The following KCNK12 variants were observed in gnomAD, a reference collection of about 807,000 sequenced individuals.
KCNK12 encodes potassium two pore domain channel subfamily K member 12, also known as potassium channel subfamily K member 12.
In KCNK12, 6 loss-of-function variants were observed where a neutral mutation model predicts 25.3. The observed-to-expected ratio is 0.24, with a 90% CI of 0.13 to 0.47. The LOEUF (loss-of-function observed/expected upper bound fraction) is 0.47. Among genes scored for constraint, KCNK12 ranks in the 20% least tolerant of loss-of-function variants. The pLI is 0.99. For synonymous variants in KCNK12, 331 were observed against 311.1 expected, an observed-to-expected ratio of 1.06 and a Z score of -0.67; for missense variants, 444 against 661.7, an observed-to-expected ratio of 0.67 and a Z score of 3.61.
Position 47,529,623 on chromosome 2 carries a change from A to G in KCNK12, c.392-7815T>C, listed in dbSNP as rs1425887630. Reference sequence around the variant, plus strand: ...GAATGGGCTCTATTAGTCTAGGCCAATCAGGATAATCCAGTTCCTTACCAT... The same window carrying G: ...GAATGGGCTCTATTAGTCTAGGCCAGTCAGGATAATCCAGTTCCTTACCAT... On this transcript the variant is annotated intron_variant, in intron 1 of 1. Transcript: ENST00000327876. This position sits in a 1 kb window ranked among gnomAD's most constrained non-coding sequence, Gnocchi z 4.3. Among the ~76,000 whole-genome samples, 2 of 152,224 alleles carry G rather than the reference A, an allele frequency of 1.3e-5. No individual in the cohort carries two copies. The highest frequency in any genetic ancestry group is 2.9e-5 in the Non-Finnish European group (2 of 68,034).
rs1668601940 is a variant in KCNK12 at position 47,519,551 on chromosome 2, G to A, written c.*1356C>T. On this transcript the variant is annotated 3_prime_UTR_variant, in exon 2 of 2. Coordinates refer to ENST00000327876, the MANE Select transcript of KCNK12 (RefSeq NM_022055.2). ...CCACTATCCTTTCAATGAAGCCTGG[G>A]TATCTGGCCTTCCTCCAGGTCAGGG... 1 of 152,178 alleles carries A rather than the reference G, an allele frequency of 6.6e-6. No individual in the cohort carries two copies. The highest frequency in any genetic ancestry group is 1.5e-5 in the Non-Finnish European group (1 of 68,038). The allele number at this position is 152,178 out of a possible 1,614,324, so 9.4% of individuals were successfully genotyped here. A position where few individuals can be genotyped will look rare whatever the true frequency, so the allele number is the denominator to read the frequency against.
chr2:47,512,351 T>C lies in KCNK12; in HGVS notation c.*8556A>G. On this transcript the variant is annotated 3_prime_UTR_variant, in exon 2 of 2. Coordinates refer to ENST00000327876, the MANE Select transcript of KCNK12 (RefSeq NM_022055.2). Reference sequence around the variant, plus strand: ...AGACCAGTGCCTCATTTTGCTGACATGGAAAAGGAAACTTCGTGGGGGAAA... The same window carrying C: ...AGACCAGTGCCTCATTTTGCTGACACGGAAAAGGAAACTTCGTGGGGGAAA... 5 of 1,612,512 alleles carry C rather than the reference T, an allele frequency of 3.1e-6. No individual in the cohort carries two copies. Among genetic ancestry groups the C allele is most frequent in the Non-Finnish European group, 4.2e-6 (5 of 1,179,808 alleles).
rs200275123 is a variant in KCNK12, at chr2:47,512,291, C to A, written c.*8616G>T. Reference sequence around the variant, plus strand: ...ACTCCTACATTTTCTCCTCTCTTCTCCTTCCTTTCAGAACCTCAGAGTGAC... The same window carrying A: ...ACTCCTACATTTTCTCCTCTCTTCTACTTCCTTTCAGAACCTCAGAGTGAC... On this transcript the variant is annotated 3_prime_UTR_variant, in exon 2 of 2. Transcript: ENST00000327876. 9.9e-6 allele frequency: 16 copies of A among 1,612,092 alleles called. No individual in the cohort carries two copies. The highest frequency in any genetic ancestry group is 1.3e-5 in the Non-Finnish European group (15 of 1,179,664).
chr2:47,556,373 A>T lies in KCNK12; in HGVS notation c.391+13568T>A, dbSNP rs954189141. Among the ~76,000 whole-genome samples, 33 of 152,308 alleles carry T rather than the reference A, an allele frequency of 2.2e-4. No individual in the cohort carries two copies. Among genetic ancestry groups the T allele is most frequent in the African/African-American group, 7.9e-4 (33 of 41,568 alleles). On this transcript the variant is annotated intron_variant, in intron 1 of 1. Transcript: ENST00000327876. The surrounding 1 kb of genome is among the most constrained non-coding windows in gnomAD (Gnocchi z 4.8). ...AGGGGTGTGAAGATTACTTCTGATTACTTTTATTACCTCAATGGAGTGTGA... is the reference window on the plus strand; with the variant it reads ...AGGGGTGTGAAGATTACTTCTGATTTCTTTTATTACCTCAATGGAGTGTGA...
At position 47,547,751 on chromosome 2, in the gene KCNK12, C is replaced by T. The variant is rs1343667751; in HGVS notation, c.391+22190G>A. Among the ~76,000 whole-genome samples, 1 of 152,136 alleles carries T rather than the reference C, an allele frequency of 6.6e-6. No individual in the cohort carries two copies. Among genetic ancestry groups the T allele is most frequent in the African/African-American group, 2.4e-5 (1 of 41,420 alleles). On this transcript the variant is annotated intron_variant, in intron 1 of 1. Transcript: ENST00000327876. The surrounding 1 kb of genome is among the most constrained non-coding windows in gnomAD (Gnocchi z 5.0). The stretch of plus-strand genomic sequence containing the variant: ...TAGCTGGGATTAGAGGCATCTGCCA[C>T]CATACTTGGCGAATTTTTATATTTT...
Position 47,518,820 on chromosome 2 carries a change from CAA to C in KCNK12, c.*2085_*2086del, listed in dbSNP as rs1668582806. 6.6e-6 allele frequency: 1 copy of C among 152,248 alleles called. No individual in the cohort carries two copies. The highest frequency in any genetic ancestry group is 2.4e-5 in the African/African-American group (1 of 41,462). The allele number at this position is 152,248 out of a possible 1,614,324, so 9.4% of individuals were successfully genotyped here. ...TCCCTCTCTGGATGGCTCTGATCCC[CAA>C]GTTATTTCCTGTTGCCTAGGTAACA... On this transcript the variant is annotated 3_prime_UTR_variant, in exon 2 of 2. Transcript: ENST00000327876. The surrounding 1 kb of genome is among the most constrained non-coding windows in gnomAD (Gnocchi z 4.1).
chr2:47,553,332 A>G (rs975248988), intron 1 of KCNK12, among the ~76,000 whole-genome samples: 3 of 152,252 alleles, frequency 2.0e-5, no homozygotes, highest in African/African-American at 7.2e-5. Context: ...ATAGCAGTTC[A>G]GAGCTGAATA....
In KCNK12 at chr2:47,555,771, G is replaced by A. The variant is rs1421247472; in HGVS notation, c.391+14170C>T. 1 of 152,246 alleles carries A rather than the reference G, an allele frequency of 6.6e-6. No individual in the cohort carries two copies. The highest frequency in any genetic ancestry group is 6.5e-5 in the Admixed American group (1 of 15,282). 9.4% of individuals were successfully genotyped at this position (152,246 alleles called of 1,614,324 possible). ...AGATTGTTTGGAGACAGTCCAGAGT[G>A]AGGACTGAGCATGGGGCCCTCTCAT... On this transcript the variant is annotated intron_variant, in intron 1 of 1. Transcript: ENST00000327876. The surrounding 1 kb of genome is among the most constrained non-coding windows in gnomAD (Gnocchi z 4.5).
At chr2:47,559,671 C>T (rs988580219) in intron 1 of KCNK12, among the ~76,000 whole-genome samples, 4 of 152,192 alleles carry the variant, frequency 2.6e-5, no homozygotes, top group Non-Finnish European at 5.9e-5. Flanking sequence ...TTTCTGCATA[C>T]CTACTATGTG....
intron 1 of KCNK12, chr2:47,563,359 CTGTGTGTGCTGTT>C: frequency 4.3e-6 from 1 of 233,308 alleles, no homozygotes; most frequent in East Asian, 6.0e-5. Context: ...GTGTGTGTGT[CTGTGTGTGCTGTT>C]TGTGTGAGAA....
intron 1 of KCNK12, among the ~76,000 whole-genome samples, chr2:47,553,288 T>C (rs1669477941): frequency 6.6e-6 from 1 of 152,238 alleles, no homozygotes; most frequent in Non-Finnish European, 1.5e-5. Flanking sequence ...AAACAAGTCA[T>C]GTTGGCAGTC....
chr2:47,521,354 G>A lies in KCNK12; in HGVS notation c.846C>T (p.Leu282=). The A allele has an allele frequency of 6.2e-7, 1 of 1,613,742 alleles. No homozygotes were observed. The highest frequency in any genetic ancestry group is 8.5e-7 in the Non-Finnish European group (1 of 1,179,888). Residue 282 remains leucine, a synonymous_variant, in exon 2 of 2, where the codon CTC becomes CTT. Transcript: ENST00000327876. ...TGCAGCACACGCCGAGCAGGATGAA[G>A]AGGAAGTTGCCCAGGCGGTAGAGCC... ...NQGLYRLGNF[L]FILLGVCCIY...
intron 1 of KCNK12, among the ~76,000 whole-genome samples, chr2:47,537,043 C>G (rs527460519): frequency 5.9e-5 from 9 of 152,318 alleles, no homozygotes; most frequent in African/African-American, 1.7e-4. Context: ...GCGGCCTTGC[C>G]TGATCAGGGG....
chr2:47,514,177 C>T lies in KCNK12; in HGVS notation c.*6730G>A, dbSNP rs1668469869. ...CTCTGCCTGGGCCACTCTTCCTGCT[C>T]CTTGTCAGCAGGCTTGCTGCTCTCA... On this transcript the variant is annotated 3_prime_UTR_variant, in exon 2 of 2. Coordinates refer to ENST00000327876, the MANE Select transcript of KCNK12 (RefSeq NM_022055.2). The surrounding 1 kb of genome is among the most constrained non-coding windows in gnomAD (Gnocchi z 5.0). Among the ~76,000 whole-genome samples, 1 of 152,228 alleles carries T rather than the reference C, an allele frequency of 6.6e-6. No individual in the cohort carries two copies. The highest frequency in any genetic ancestry group is 2.1e-4 in the South Asian group (1 of 4,836).
Position 47,520,724 on chromosome 2 carries a change from C to G in KCNK12, c.*183G>C, listed in dbSNP as rs1668631683. The G allele has an allele frequency of 2.4e-6, 1 of 408,166 alleles. No homozygotes were observed. The allele number at this position is 408,166 out of a possible 1,614,324, so 25.3% of individuals were successfully genotyped here. A position where few individuals can be genotyped will look rare whatever the true frequency, so the allele number is the denominator to read the frequency against. Reference sequence around the variant, plus strand: ...AGAGGGGACTCACAAGGAACACAGGCGTCCCCAAAACCTGCCCTTGATAAC... The same window carrying G: ...AGAGGGGACTCACAAGGAACACAGGGGTCCCCAAAACCTGCCCTTGATAAC... On this transcript the variant is annotated 3_prime_UTR_variant, in exon 2 of 2. Coordinates refer to ENST00000327876, the MANE Select transcript of KCNK12 (RefSeq NM_022055.2). This position sits in a 1 kb window ranked among gnomAD's most constrained non-coding sequence, Gnocchi z 5.0.
In KCNK12 at chr2:47,521,634, A is replaced by T; in HGVS notation, c.566T>A (p.Leu189Gln). ...GCCGCGGCGGAAGGTGGCGGGCAGC[A>T]GGCCGCTGCGGCGCAGCTGGCGCTC... ...CRERQLRRSG[L>Q]LPATFRRGSA... The change falls in exon 2 of 2, where the codon CTG (leucine) becomes CAG (glutamine). Residue 189 changes from leucine to glutamine, a missense_variant. This residue lies in a region of KCNK12 where 36 missense variants were observed against 36.4 expected (regional missense o/e 0.99). Transcript: ENST00000327876. The T allele has an allele frequency of 6.3e-7, 1 of 1,586,266 alleles. No individual in the cohort carries two copies. Among genetic ancestry groups the T allele is most frequent in the Non-Finnish European group, 8.6e-7 (1 of 1,168,474 alleles).
In KCNK12 at chr2:47,521,291, C is replaced by T; in HGVS notation, c.909G>A (p.Lys303=). The T allele has an allele frequency of 6.2e-7, 1 of 1,612,570 alleles. No homozygotes were observed. Among genetic ancestry groups the T allele is most frequent in the Non-Finnish European group, 8.5e-7 (1 of 1,179,594 alleles). ...TGCGCAGCATCCAGTTGAGCACCTG[C>T]TTGATGAGGATGGAGATGACGTTGA... ...SLFNVISILI[K]QVLNWMLRKL... The change falls in exon 2 of 2, where the codon AAG becomes AAA. Residue 303 remains lysine, a synonymous_variant. Coordinates refer to ENST00000327876, the MANE Select transcript of KCNK12 (RefSeq NM_022055.2).
rs1264594118 is a variant in KCNK12, at chr2:47,570,620, C to G, written c.-289G>C. The G allele has an allele frequency of 4.8e-6, 1 of 207,376 alleles. No individual in the cohort carries two copies. The highest frequency in any genetic ancestry group is 9.6e-6 in the Non-Finnish European group (1 of 104,548). The allele number at this position is 207,376 out of a possible 1,614,324, so 12.8% of individuals were successfully genotyped here. ...CTCGCCGGCTCCCGCGGCTCCTTAC[C>G]CGCCGCTCTCGGGCGCGGGGCTCCG... On this transcript the variant is annotated 5_prime_UTR_variant, in exon 1 of 2. Coordinates refer to ENST00000327876, the MANE Select transcript of KCNK12 (RefSeq NM_022055.2).
intron 1 of KCNK12, among the ~76,000 whole-genome samples, chr2:47,554,426 T>G (rs1034738787): frequency 5.9e-5 from 9 of 152,104 alleles, no homozygotes; most frequent in African/African-American, 2.2e-4. Flanking sequence ...CATTTTAGCT[T>G]TAGATATGAG....
Sources: allele counts gnomAD v4.1 joint callset (sites outside exome capture counted in the v4.1 genomes callset), GRCh38; gene constraint gnomAD v4.1.1; regional missense constraint gnomAD v4.1.1; non-coding constraint Gnocchi (gnomAD v3.1); transcripts MANE v1.5; gene names NCBI Gene and HGNC (gene_info 2026-07-23, HGNC 2026-07-21).